The following KCNMA1 variants were observed in gnomAD, a reference collection of about 807,000 sequenced individuals.
KCNMA1 encodes Calcium-activated potassium channel subunit alpha-1.
A neutral mutation model predicts 140.0 loss-of-function variants in KCNMA1; 29 were observed. The observed-to-expected ratio is 0.21, with a 90% confidence interval of 0.15 to 0.28. The LOEUF is 0.28. Ranked by LOEUF, KCNMA1 falls within the 10% of genes least tolerant of loss-of-function variation. The pLI, the probability that KCNMA1 is intolerant of heterozygous loss-of-function variation, is 1.00. For missense variants in KCNMA1, 880 were observed against 1,602.2 expected (o/e 0.55, Z 7.70); for synonymous variants, 612 against 611.9 (o/e 1.00, Z 0.00).
At chr10:76,881,546 T>C (rs764323109), downstream of KCNMA1, among the ~76,000 whole-genome samples, 8 of 152,136 alleles carry the variant, frequency 5.3e-5, no homozygotes, top group Non-Finnish European at 8.8e-5. Context: ...TCTGAAGCTG[T>C]TGTGAGGATT....
At chr10:77,020,248 C>T (rs2092675921) in intron 16 of KCNMA1, 2 of 152,068 alleles carry the variant, frequency 1.3e-5, no homozygotes, top group African/African-American at 4.8e-5. Flanking sequence ...ATCTTTTTTC[C>T]TACTGATAAA....
At chr10:77,178,854 A>C (rs114073137) in intron 5 of KCNMA1, among the ~76,000 whole-genome samples, 66 of 152,344 alleles carry the variant, frequency 4.3e-4, no homozygotes, top group African/African-American at 1.6e-3. Flanking sequence ...AATAAGATAA[A>C]GCTCTCATTT....
chr10:76,966,572 C>T (rs1043152688), intron 20 of KCNMA1, among the ~76,000 whole-genome samples: 4 of 152,140 alleles, frequency 2.6e-5, no homozygotes, highest in Non-Finnish European at 5.9e-5. Context: ...AAACTTTGTG[C>T]CCCCCTAGGA....
intron 5 of KCNMA1, among the ~76,000 whole-genome samples, chr10:77,137,465 T>G (rs2098069115): frequency 6.6e-6 from 1 of 152,152 alleles, no homozygotes; most frequent in Non-Finnish European, 1.5e-5. Flanking sequence ...GGCAGGCATA[T>G]CAGGGTAAAC....
At chr10:77,286,369 A>G (rs2070832079) in intron 2 of KCNMA1, among the ~76,000 whole-genome samples, 1 of 152,182 alleles carries the variant, frequency 6.6e-6, no homozygotes, top group Admixed American at 6.5e-5. Context: ...CCTAGGGAAG[A>G]CATTCTCTCT....
intron 1 of KCNMA1, among the ~76,000 whole-genome samples, chr10:77,468,051 A>G (rs942858818): frequency 6.6e-6 from 1 of 152,088 alleles, no homozygotes; most frequent in African/African-American, 2.4e-5. Flanking sequence ...TCTGTCGCCC[A>G]GGCTGGAGTG....
At chr10:77,480,533 C>T (rs139267343) in intron 1 of KCNMA1, among the ~76,000 whole-genome samples, 222 of 152,330 alleles carry the variant, frequency 1.5e-3, no homozygotes, top group African/African-American at 5.1e-3. Context: ...AAGAAACAGT[C>T]CCCATATCCT....
intron 2 of KCNMA1, among the ~76,000 whole-genome samples, chr10:77,383,828 G>T (rs1399847516): frequency 1.3e-5 from 2 of 152,118 alleles, no homozygotes; most frequent in African/African-American, 4.8e-5. Flanking sequence ...AAGTAGTTGG[G>T]ACTACAGGTG....
At chr10:77,616,638 T>G (rs1047776181) in intron 1 of KCNMA1, among the ~76,000 whole-genome samples, 5 of 152,012 alleles carry the variant, frequency 3.3e-5, no homozygotes, top group African/African-American at 1.2e-4. Flanking sequence ...AAACCCCGTC[T>G]CTACTAAAAA....
intron 2 of KCNMA1, chr10:77,309,737 A>T (rs545611202): frequency 1.3e-5 from 2 of 152,278 alleles, no homozygotes; most frequent in Non-Finnish European, 1.5e-5. Flanking sequence ...TCCAGGCTCA[A>T]GGAACAGCCT....
intron 1 of KCNMA1, among the ~76,000 whole-genome samples, chr10:77,405,721 A>G (rs1445750836): frequency 6.6e-6 from 1 of 152,268 alleles, no homozygotes; most frequent in African/African-American, 2.4e-5. Flanking sequence ...AAACTCTGGA[A>G]TTAATTCCCA....
At chr10:77,061,888 A>G (rs932450347) in intron 14 of KCNMA1, among the ~76,000 whole-genome samples, 1 of 152,212 alleles carries the variant, frequency 6.6e-6, no homozygotes, top group Non-Finnish European at 1.5e-5. Context: ...ATGCTAAATG[A>G]AAAAAGCCAA....
intron 25 of KCNMA1, among the ~76,000 whole-genome samples, chr10:76,898,457 G>C (rs141385521): frequency 0.017 from 2,559 of 151,640 alleles, 48 homozygotes; most frequent in African/African-American, 0.057. Context: ...TAAGAAAATT[G>C]AGGATATAAT....
At chr10:77,397,951 CT>C (rs1224485071) in intron 2 of KCNMA1, among the ~76,000 whole-genome samples, 2 of 151,418 alleles carry the variant, frequency 1.3e-5, no homozygotes, top group Non-Finnish European at 2.9e-5. Flanking sequence ...TGATTTCATT[CT>C]TTTTTATGGC....
chr10:77,574,119 A>T (rs2073074316), intron 1 of KCNMA1, among the ~76,000 whole-genome samples: 1 of 152,160 alleles, frequency 6.6e-6, no homozygotes, highest in South Asian at 2.1e-4. Flanking sequence ...TACAGGCATG[A>T]GCCACTGTAC....
chr10:77,197,717 G>C (rs2041009863), intron 3 of KCNMA1, among the ~76,000 whole-genome samples: 1 of 152,104 alleles, frequency 6.6e-6, no homozygotes, highest in South Asian at 2.1e-4. Flanking sequence ...GGTTAACCTG[G>C]AGGCGACAAC....
At chr10:77,524,771 T>C (rs942281938) in intron 1 of KCNMA1, among the ~76,000 whole-genome samples, 1 of 152,176 alleles carries the variant, frequency 6.6e-6, no homozygotes, top group African/African-American at 2.4e-5. Flanking sequence ...TTTTCTGCAA[T>C]TGACATCATG....
chr10:77,266,929 G>A (rs1173694973), intron 2 of KCNMA1, among the ~76,000 whole-genome samples: 1 of 152,210 alleles, frequency 6.6e-6, no homozygotes, highest in Non-Finnish European at 1.5e-5. Context: ...GGACCAAAGA[G>A]CCACAGCCCT....
chr10:77,110,108 GA>G (rs2097287619), intron 8 of KCNMA1, 64 bp downstream of exon 8: 3 of 1,371,232 alleles, frequency 2.2e-6, no homozygotes, highest in Non-Finnish European at 3.1e-6. Context: ...AAGCTTTAAG[GA>G]AATGTATCAT....
Sources: gnomAD v4.1 joint callset for allele counts (sites outside exome capture counted in the v4.1 genomes callset) on GRCh38, gnomAD v4.1.1 for gene constraint, MANE v1.5 for transcripts, NCBI Gene and HGNC (gene_info 2026-07-23, HGNC 2026-07-21) for gene names.